Variants in TDRD3 observed in about 807,000 individuals in gnomAD.
TDRD3 encodes tudor domain containing 3.
In TDRD3, 45 loss-of-function variants were observed where a neutral mutation model predicts 86.7. The observed-to-expected ratio is 0.52, with a 90% CI of 0.41 to 0.67. The LOEUF is 0.67. TDRD3 is among the 30% of genes least tolerant of loss of function. The pLI, the probability that TDRD3 is intolerant of heterozygous loss-of-function variation, is 0.00. For missense variants in TDRD3, 814 were observed against 889.0 expected (o/e 0.92, Z 1.07); for synonymous variants, 298 against 301.7 (o/e 0.99, Z 0.13).
rs545843941 is a variant in TDRD3 at position 60,525,104 on chromosome 13, A to C, written c.1142-3263A>C. Among the ~76,000 whole-genome samples, 182 of 149,324 alleles carry C rather than the reference A, an allele frequency of 1.2e-3. 1 individual carries two copies. Among genetic ancestry groups the C allele is most frequent in the Middle Eastern group, 3.4e-3 (1 of 292 alleles). On this transcript the variant is annotated intron_variant, in intron 10 of 13. Coordinates refer to ENST00000377881, the MANE Select transcript of TDRD3 (RefSeq NM_001146070.2). ...TTTCTCTCAAAAAAAAAAAAAAAAA[A>C]AAAAACCCCACAATTTTCACTTTCT...
intron 1 of TDRD3, among the ~76,000 whole-genome samples, chr13:60,425,304 C>T (rs117234071): frequency 0.045 from 6,781 of 152,222 alleles, 207 homozygotes; most frequent in Non-Finnish European, 0.064. Flanking sequence ...ATTGAAACCA[C>T]TATGATGTAT....
In TDRD3 at chr13:60,494,599, A is replaced by C. The variant is rs189540501; in HGVS notation, c.858+24A>C. ...TGGTAAGGCTAAAGAACTAACCACA[A>C]ATTTAAAGTGTTATTTCTTAAAATG... On this transcript the variant is annotated intron_variant, in intron 8 of 13. Transcript: ENST00000377881. 7 of 1,597,964 alleles carry C rather than the reference A, an allele frequency of 4.4e-6. No homozygotes were observed. The African/African-American group carries it at 9.4e-5, about 22-fold the overall frequency.
chr13:60,515,106 A>G (rs1183220677), intron 10 of TDRD3, among the ~76,000 whole-genome samples: 1 of 152,240 alleles, frequency 6.6e-6, no homozygotes, highest in Non-Finnish European at 1.5e-5. Context: ...TCATTTACTT[A>G]ATGTAAAACA....
intron 1 of TDRD3, among the ~76,000 whole-genome samples, chr13:60,405,175 G>T (rs1954204993): frequency 6.6e-6 from 1 of 152,086 alleles, no homozygotes; most frequent in South Asian, 2.1e-4. Context: ...CACCATGTTG[G>T]CCAGGCTGGT....
intron 8 of TDRD3, among the ~76,000 whole-genome samples, chr13:60,499,867 T>G (rs982049573): frequency 6.6e-6 from 1 of 152,186 alleles, no homozygotes; most frequent in African/African-American, 2.4e-5. Flanking sequence ...TCTGGCGGAT[T>G]TATCAAGTGA....
intron 12 of TDRD3, among the ~76,000 whole-genome samples, chr13:60,553,300 T>C (rs564803401): frequency 6.6e-6 from 1 of 152,296 alleles, no homozygotes; most frequent in Non-Finnish European, 1.5e-5. Flanking sequence ...TAAATCATCA[T>C]TCACTATCAG....
chr13:60,559,766 G>T (rs962921738), intron 12 of TDRD3, among the ~76,000 whole-genome samples: 2 of 152,110 alleles, frequency 1.3e-5, no homozygotes, highest in Non-Finnish European at 2.9e-5. Context: ...TTGGTCAAAG[G>T]TTACGAAGTT....
rs140526741 is a variant in TDRD3 at position 60,552,103 on chromosome 13, A to G, written c.2119-15422A>G. Among the ~76,000 whole-genome samples the G allele has an allele frequency of 3.3e-5, 5 of 152,362 alleles. No homozygotes were observed. The East Asian group carries it at 9.6e-4, about 29-fold the overall frequency. Reference sequence around the variant, plus strand: ...AATCATGTCTTCCCAACAGTTCCCCAAAGTCTTAACTCGTTCCAGCATTAA... The same window carrying G: ...AATCATGTCTTCCCAACAGTTCCCCGAAGTCTTAACTCGTTCCAGCATTAA... On this transcript the variant is annotated intron_variant, in intron 12 of 13. Transcript: ENST00000377881.
At chr13:60,550,651 G>A (rs1958029287) in intron 12 of TDRD3, among the ~76,000 whole-genome samples, 1 of 152,026 alleles carries the variant, frequency 6.6e-6, no homozygotes, top group Admixed American at 6.5e-5. Flanking sequence ...CATTAGTCAA[G>A]TAATCCAGAT....
intron 8 of TDRD3, among the ~76,000 whole-genome samples, chr13:60,499,916 G>T (rs1956797752): frequency 6.6e-6 from 1 of 152,220 alleles, no homozygotes. Context: ...TCCAGAACAG[G>T]AGAAGGCTCT....
At position 60,445,567 on chromosome 13, in the gene TDRD3, G is replaced by A. The variant is rs181890398; in HGVS notation, c.192+819G>A. ...GTGCACCAGAATTTCCCAGAGGTCT[G>A]GCTAGAACACAAATTGCTGGACCTC... On this transcript the variant is annotated intron_variant, in intron 3 of 13. Transcript: ENST00000377881. Among the ~76,000 whole-genome samples the A allele has an allele frequency of 2.9e-3, 447 of 152,238 alleles. 10 individuals carry two copies. The highest frequency in any genetic ancestry group is 0.027 in the Admixed American group (408 of 15,264).
intron 3 of TDRD3, among the ~76,000 whole-genome samples, chr13:60,451,572 G>T (rs773454099): frequency 6.6e-6 from 1 of 152,068 alleles, no homozygotes; most frequent in South Asian, 2.1e-4. Context: ...TCTACCAGAA[G>T]TATTTTACCA....
chr13:60,430,789 A>G (rs1446205090), intron 1 of TDRD3, among the ~76,000 whole-genome samples: 1 of 152,066 alleles, frequency 6.6e-6, no homozygotes, highest in African/African-American at 2.4e-5. Context: ...GGATTGGTTT[A>G]TGTATGGGGA....
intron 10 of TDRD3, among the ~76,000 whole-genome samples, chr13:60,515,488 A>G (rs1033925200): frequency 1.3e-5 from 2 of 152,214 alleles, no homozygotes; most frequent in African/African-American, 2.4e-5. Flanking sequence ...ACACATATAT[A>G]TATGGAAGAT....
At chr13:60,424,183 G>A (rs1238652881) in intron 1 of TDRD3, among the ~76,000 whole-genome samples, 2 of 151,480 alleles carry the variant, frequency 1.3e-5, no homozygotes, top group African/African-American at 2.4e-5. Flanking sequence ...CACCATGCCC[G>A]GCTAATTTTT....
intron 1 of TDRD3, among the ~76,000 whole-genome samples, chr13:60,419,615 A>G (rs1954606957): frequency 6.6e-6 from 1 of 151,946 alleles, no homozygotes; most frequent in Non-Finnish European, 1.5e-5. Flanking sequence ...GGAACATCAC[A>G]CACTGAGGCC....
At chr13:60,527,549 T>C (rs1957471224) in intron 10 of TDRD3, among the ~76,000 whole-genome samples, 3 of 152,216 alleles carry the variant, frequency 2.0e-5, no homozygotes, top group Admixed American at 6.5e-5. Context: ...ATAGACATGC[T>C]ATGTGAAATT....
At chr13:60,421,592 A>T (rs1166618358) in intron 1 of TDRD3, among the ~76,000 whole-genome samples, 1 of 152,222 alleles carries the variant, frequency 6.6e-6, no homozygotes, top group Non-Finnish European at 1.5e-5. Flanking sequence ...TGTAGTAAAT[A>T]ACTTCCCAAA....
At chr13:60,524,718 A>T (rs1302063608) in intron 10 of TDRD3, among the ~76,000 whole-genome samples, 1 of 152,136 alleles carries the variant, frequency 6.6e-6, no homozygotes, top group Non-Finnish European at 1.5e-5. Context: ...GATGAATCCA[A>T]GAATGATTGG....
Sources: gnomAD v4.1 joint callset for allele counts (sites outside exome capture counted in the v4.1 genomes callset) on GRCh38, gnomAD v4.1.1 for gene constraint, MANE v1.5 for transcripts, NCBI Gene and HGNC (gene_info 2026-07-23, HGNC 2026-07-21) for gene names.